PARD3: variants seen among roughly 807,000 people sequenced by gnomAD.
PARD3 encodes the protein partitioning defective 3 homolog.
In PARD3, 75 loss-of-function variants were observed where a neutral mutation model predicts 155.4. The observed-to-expected ratio is 0.48, with a 90% CI of 0.40 to 0.58. The LOEUF (loss-of-function observed/expected upper bound fraction) is 0.58, where lower values mean the gene tolerates loss of function less well. Ranked by LOEUF, PARD3 falls within the 20% of genes least tolerant of loss-of-function variation. The pLI, the probability that PARD3 is intolerant of heterozygous loss-of-function variation, is 0.00. For synonymous variants in PARD3, 576 were observed against 610.5 expected (o/e 0.94, Z 0.83); for missense variants, 1,642 against 1,721.7 (o/e 0.95, Z 0.82).
chr10:34,553,669 G>A (rs530972796), intron 2 of PARD3, among the ~76,000 whole-genome samples: 46 of 152,136 alleles, frequency 3.0e-4, no homozygotes, highest in African/African-American at 1.0e-3. Flanking sequence ...AAAAGCAAGC[G>A]TGAGATACAA....
intron 4 of PARD3, among the ~76,000 whole-genome samples, chr10:34,452,965 T>C (rs1470078391): frequency 1.3e-5 from 2 of 152,188 alleles, no homozygotes; most frequent in African/African-American, 4.8e-5. Context: ...CAGGATCAAC[T>C]TGTCTCTTAC....
At chr10:34,675,921 C>T (rs1487677967) in intron 2 of PARD3, 2 of 178,834 alleles carry the variant, frequency 1.1e-5, no homozygotes, top group African/African-American at 2.3e-5. Context: ...TTGTCTAAGG[C>T]TCTGGCGGCT....
chr10:34,185,461 TAAAAACAGAAAAA>T lies in PARD3; in HGVS notation c.3420-53891_3420-53879del, dbSNP rs1411065863. Among the ~76,000 whole-genome samples, 3 of 152,304 alleles carry T rather than the reference TAAAAACAGAAAAA, an allele frequency of 2.0e-5. No homozygotes were observed. The East Asian group carries it at 5.8e-4, about 29-fold the overall frequency. ...TCTTTAAATTAGTCTTCATGTATAT[TAAAAACAGAAAAA>T]GACAAAAGGAAAAGACTGAAATCTT... On this transcript the variant is annotated intron_variant, in intron 22 of 24. Transcript: ENST00000374788.
chr10:34,192,449 G>A (rs1950755597), intron 22 of PARD3, among the ~76,000 whole-genome samples: 1 of 152,126 alleles, frequency 6.6e-6, no homozygotes, highest in Non-Finnish European at 1.5e-5. Context: ...GACAGAAACA[G>A]CACCAACCTT....
intron 1 of PARD3, among the ~76,000 whole-genome samples, chr10:34,785,385 T>C (rs986990654): frequency 6.6e-6 from 1 of 152,240 alleles, no homozygotes; most frequent in African/African-American, 2.4e-5. Flanking sequence ...TTGCAACTTA[T>C]ACTCTTGAAG....
At chr10:34,566,960 A>AT (rs952313450) in intron 2 of PARD3, among the ~76,000 whole-genome samples, 1 of 152,304 alleles carries the variant, frequency 6.6e-6, no homozygotes, top group East Asian at 1.9e-4. Flanking sequence ...TACTTCCAGG[A>AT]TTTTTTTAAG....
At chr10:34,505,382 G>C (rs1198135923) in intron 3 of PARD3, among the ~76,000 whole-genome samples, 2 of 152,246 alleles carry the variant, frequency 1.3e-5, no homozygotes, top group Non-Finnish European at 2.9e-5. Flanking sequence ...GAATTGGGCA[G>C]TGGGGAAATC....
chr10:34,554,349 G>T (rs1486697240), intron 2 of PARD3, among the ~76,000 whole-genome samples: 1 of 152,164 alleles, frequency 6.6e-6, no homozygotes, highest in Admixed American at 6.5e-5. Context: ...TTTAAACTTT[G>T]TGCATCATTA....
intron 22 of PARD3, among the ~76,000 whole-genome samples, chr10:34,255,090 C>A (rs546602923): frequency 2.0e-5 from 3 of 152,102 alleles, no homozygotes; most frequent in African/African-American, 7.2e-5. Context: ...AACCCTCCCC[C>A]ACAAATTCTG....
At chr10:34,684,878 TACACACACACACAC>T (rs57035644) in intron 2 of PARD3, among the ~76,000 whole-genome samples, 8 of 137,772 alleles carry the variant, frequency 5.8e-5, no homozygotes, top group East Asian at 2.1e-4. Flanking sequence ...TACACACACA[TACACACACACACAC>T]ACACACACAC....
At chr10:34,373,905 G>A (rs921038427) in intron 11 of PARD3, among the ~76,000 whole-genome samples, 22 of 152,056 alleles carry the variant, frequency 1.4e-4, no homozygotes, top group Non-Finnish European at 2.4e-4. Context: ...ATCCATACTT[G>A]AAGACACAAG....
chr10:34,147,660 G>GA (rs1317415814), intron 22 of PARD3, among the ~76,000 whole-genome samples: 1 of 151,250 alleles, frequency 6.6e-6, no homozygotes, highest in Non-Finnish European at 1.5e-5. Flanking sequence ...CTTTGTTTTG[G>GA]AAAAAAATCC....
rs1045771920 is a variant in PARD3, at chr10:34,280,904, A to G, written c.3176+3231T>C. On this transcript the variant is annotated intron_variant, in intron 21 of 24. Coordinates refer to ENST00000374788, the MANE Select transcript of PARD3 (RefSeq NM_001184785.2). ...AATTTTGAGAAATAACAGAGTAGAA[A>G]GATACGCATATACTGGTTTAAACAA... Among the ~76,000 whole-genome samples, 7 of 152,224 alleles carry G rather than the reference A, an allele frequency of 4.6e-5. No homozygotes were observed. The South Asian group carries it at 1.0e-3, about 23-fold the overall frequency.
At chr10:34,547,110 T>C (rs980742904) in intron 2 of PARD3, among the ~76,000 whole-genome samples, 1 of 152,252 alleles carries the variant, frequency 6.6e-6, no homozygotes, top group African/African-American at 2.4e-5. Flanking sequence ...TGCAAATTTA[T>C]GGATTGTCTG....
At chr10:34,693,389 T>C (rs930209957) in intron 2 of PARD3, among the ~76,000 whole-genome samples, 1 of 152,142 alleles carries the variant, frequency 6.6e-6, no homozygotes, top group Non-Finnish European at 1.5e-5. Flanking sequence ...GAAAATGTGG[T>C]ACAAACATAC....
At chr10:34,544,958 T>A (rs1474047173) in intron 2 of PARD3, among the ~76,000 whole-genome samples, 1 of 152,146 alleles carries the variant, frequency 6.6e-6, no homozygotes, top group African/African-American at 2.4e-5. Flanking sequence ...CAAGAACACT[T>A]TCTGCTCTCA....
chr10:34,487,629 T>C (rs1040246877), intron 3 of PARD3, among the ~76,000 whole-genome samples: 19 of 150,832 alleles, frequency 1.3e-4, no homozygotes, highest in Non-Finnish European at 2.5e-4. Context: ...AGAAATCCCA[T>C]CCAGGTTTTA....
At chr10:34,431,877 G>C (rs1328327059) in intron 5 of PARD3, among the ~76,000 whole-genome samples, 1 of 148,960 alleles carries the variant, frequency 6.7e-6, no homozygotes, top group East Asian at 2.0e-4. Flanking sequence ...GTGAAACCCC[G>C]TATCTACTAA....
intron 22 of PARD3, among the ~76,000 whole-genome samples, chr10:34,267,085 G>A (rs1468158932): frequency 6.6e-6 from 1 of 151,662 alleles, no homozygotes; most frequent in East Asian, 1.9e-4. Context: ...TGAAAATGAT[G>A]AGTGCTTTTA....
Sources: allele counts gnomAD v4.1 joint callset (sites outside exome capture counted in the v4.1 genomes callset), GRCh38; gene constraint gnomAD v4.1.1; transcripts MANE v1.5; gene names NCBI Gene and HGNC (gene_info 2026-07-23, HGNC 2026-07-21).